SUPT3H: variants seen among roughly 807,000 people sequenced by gnomAD.
SUPT3H encodes transcription initiation protein SPT3 homolog.
In SUPT3H, 44 loss-of-function variants were observed where a neutral mutation model predicts 44.3. The ratio of observed to expected loss-of-function variants is 0.99; its 90% confidence interval spans 0.78 to 1.28. SUPT3H has a LOEUF of 1.28. SUPT3H is among the 50% of genes most tolerant of loss of function. The pLI, the probability that SUPT3H is intolerant of heterozygous loss-of-function variation, is 0.00. For synonymous variants in SUPT3H, 124 were observed against 125.6 expected, an observed-to-expected ratio of 0.99 and a Z score of 0.09; for missense variants, 380 against 387.1, an observed-to-expected ratio of 0.98 and a Z score of 0.15.
intron 3 of SUPT3H, among the ~76,000 whole-genome samples, chr6:45,079,607 G>A (rs527333931): frequency 1.3e-5 from 2 of 152,232 alleles, no homozygotes; most frequent in East Asian, 1.9e-4. Flanking sequence ...CAGATACACA[G>A]AACAGTGGAA....
intron 10 of SUPT3H, among the ~76,000 whole-genome samples, chr6:44,852,371 T>C (rs1045869380): frequency 1.3e-5 from 2 of 152,170 alleles, no homozygotes; most frequent in African/African-American, 4.8e-5. Flanking sequence ...AGCCATATTA[T>C]AGAGCTGTGA....
intron 2 of SUPT3H, among the ~76,000 whole-genome samples, chr6:45,175,900 TG>T (rs1811708983): frequency 6.6e-6 from 1 of 152,232 alleles, no homozygotes; most frequent in Non-Finnish European, 1.5e-5. Flanking sequence ...CTAGACTGGC[TG>T]ATTTCCTTTG....
chr6:44,887,406 A>C (rs1188936132), intron 10 of SUPT3H, among the ~76,000 whole-genome samples: 8 of 152,362 alleles, frequency 5.3e-5, no homozygotes, highest in South Asian at 4.1e-4. Flanking sequence ...AACAGAAATT[A>C]TAACAAACTG....
intron 2 of SUPT3H, among the ~76,000 whole-genome samples, chr6:45,157,634 C>A (rs1412384858): frequency 6.6e-6 from 1 of 151,842 alleles, no homozygotes; most frequent in African/African-American, 2.4e-5. Context: ...CTGCAACCTC[C>A]AGCTCCCGGG....
intron 10 of SUPT3H, among the ~76,000 whole-genome samples, chr6:44,831,373 C>CTACT (rs1487864424): frequency 6.6e-6 from 1 of 152,154 alleles, no homozygotes; most frequent in Non-Finnish European, 1.5e-5. Flanking sequence ...AATTCCAACT[C>CTACT]TACTTCCTAA....
chr6:45,225,629 G>C (rs951100455), intron 2 of SUPT3H, among the ~76,000 whole-genome samples: 3 of 152,074 alleles, frequency 2.0e-5, no homozygotes, highest in African/African-American at 7.2e-5. Context: ...TGGTATGCTA[G>C]TATGTTTTTT....
intron 2 of SUPT3H, among the ~76,000 whole-genome samples, chr6:45,202,421 TACTTGTTA>T (rs1260857615): frequency 6.6e-6 from 1 of 151,996 alleles, no homozygotes; most frequent in Non-Finnish European, 1.5e-5. Flanking sequence ...AGGCCTTACA[TACTTGTTA>T]AAGTCAAAAC....
chr6:45,279,305 GAGAAACC>G (rs1240912249), intron 2 of SUPT3H, among the ~76,000 whole-genome samples: 5 of 152,144 alleles, frequency 3.3e-5, no homozygotes, highest in Non-Finnish European at 5.9e-5. Context: ...AAAACAATGA[GAGAAACC>G]ATTTAAGTAG....
intron 6 of SUPT3H, among the ~76,000 whole-genome samples, chr6:45,002,168 AAAG>A (rs911366460): frequency 1.3e-5 from 2 of 152,056 alleles, no homozygotes; most frequent in African/African-American, 2.4e-5. Flanking sequence ...ACATAACTAT[AAAG>A]AAGAAGTGTA....
intron 2 of SUPT3H, among the ~76,000 whole-genome samples, chr6:45,241,116 C>G (rs887634913): frequency 4.6e-5 from 7 of 152,144 alleles, no homozygotes; most frequent in Admixed American, 2.6e-4. Flanking sequence ...GATGCAGATC[C>G]CGACTCCTGC....
intron 10 of SUPT3H, among the ~76,000 whole-genome samples, chr6:44,850,922 A>G (rs1037923298): frequency 2.0e-5 from 3 of 152,176 alleles, no homozygotes; most frequent in Admixed American, 2.0e-4. Flanking sequence ...GGTTTCTGAT[A>G]AAGCTTCTGG....
intron 6 of SUPT3H, among the ~76,000 whole-genome samples, chr6:44,972,179 CAA>C (rs1707829688): frequency 6.6e-6 from 1 of 152,116 alleles, no homozygotes; most frequent in African/African-American, 2.4e-5. Flanking sequence ...CCTGTAAAAT[CAA>C]AGACAAGTTA....
intron 3 of SUPT3H, among the ~76,000 whole-genome samples, chr6:45,092,587 TA>T (rs1422800546): frequency 1.7e-4 from 26 of 151,910 alleles, no homozygotes; most frequent in African/African-American, 6.0e-4. Context: ...CTGCCTCTAC[TA>T]AAAATACAAA....
intron 3 of SUPT3H, among the ~76,000 whole-genome samples, chr6:45,031,135 C>T (rs889168669): frequency 5.9e-5 from 9 of 151,942 alleles, no homozygotes; most frequent in East Asian, 3.9e-4. Flanking sequence ...GCTAGCCTGA[C>T]GTAAATGTTA....
chr6:45,298,089 GTTC>G (rs1448353523), intron 2 of SUPT3H, among the ~76,000 whole-genome samples: 1 of 152,158 alleles, frequency 6.6e-6, no homozygotes, highest in Non-Finnish European at 1.5e-5. Flanking sequence ...TCACAATGAA[GTTC>G]ATCTCTTTTC....
intron 11 of SUPT3H, among the ~76,000 whole-genome samples, chr6:44,821,460 C>G (rs913486124): frequency 2.0e-5 from 3 of 152,106 alleles, no homozygotes; most frequent in South Asian, 2.1e-4. Flanking sequence ...TACTACTACC[C>G]CCCTCTCTGA....
intron 2 of SUPT3H, among the ~76,000 whole-genome samples, chr6:45,318,534 T>C (rs1785033310): frequency 6.6e-6 from 1 of 152,148 alleles, no homozygotes; most frequent in Non-Finnish European, 1.5e-5. Context: ...TGAGAGCTTA[T>C]GGGAATTCTC....
At chr6:45,173,705 C>A (rs1276421004) in intron 2 of SUPT3H, among the ~76,000 whole-genome samples, 2 of 152,168 alleles carry the variant, frequency 1.3e-5, no homozygotes, top group Non-Finnish European at 2.9e-5. Flanking sequence ...GAGAACTTAT[C>A]AGCATAGAGC....
chr6:44,831,305 G>A (rs896337769), intron 10 of SUPT3H, among the ~76,000 whole-genome samples: 2 of 152,030 alleles, frequency 1.3e-5, no homozygotes, highest in African/African-American at 4.8e-5. Flanking sequence ...TTACCATGGG[G>A]CTTTTTGTGT....
Sources: allele counts gnomAD v4.1 joint callset (sites outside exome capture counted in the v4.1 genomes callset), GRCh38; gene constraint gnomAD v4.1.1; transcripts MANE v1.5; gene names NCBI Gene and HGNC (gene_info 2026-07-23, HGNC 2026-07-21).